The following CPNE4 variants were observed in gnomAD, a reference collection of about 807,000 sequenced individuals.
CPNE4 encodes copine-4.
Under a neutral mutation model 67.9 loss-of-function variants are expected in CPNE4, and 25 were observed. That is an observed-to-expected ratio of 0.37 (90% CI 0.27 to 0.51). The LOEUF (loss-of-function observed/expected upper bound fraction) is 0.51. Among genes scored for constraint, CPNE4 ranks in the 20% least tolerant of loss-of-function variants. The pLI is 0.93. For missense variants in CPNE4, 464 were observed against 690.8 expected, an observed-to-expected ratio of 0.67 and a Z score of 3.68; for synonymous variants, 242 against 244.9, an observed-to-expected ratio of 0.99 and a Z score of 0.11.
chr3:131,773,498 C>G (rs900841032), intron 2 of CPNE4, among the ~76,000 whole-genome samples: 1 of 151,988 alleles, frequency 6.6e-6, no homozygotes, highest in African/African-American at 2.4e-5. Flanking sequence ...CAGGTGTGTG[C>G]CACCATGCCC....
intron 3 of CPNE4, 22 bp from the exon 4 acceptor site, chr3:131,700,002 G>T (rs377416776): frequency 8.4e-6 from 13 of 1,542,260 alleles, no homozygotes; most frequent in African/African-American, 1.4e-5. Flanking sequence ...GAAACAAAAG[G>T]TAACAAAAGG....
chr3:132,025,881 T>C (rs1254513042), intron 1 of CPNE4, among the ~76,000 whole-genome samples: 1 of 152,220 alleles, frequency 6.6e-6, no homozygotes, highest in East Asian at 1.9e-4. Flanking sequence ...CAGAATAGTC[T>C]TGCAAATATA....
chr3:131,914,333 C>T (rs979868624), intron 1 of CPNE4, among the ~76,000 whole-genome samples: 1 of 152,148 alleles, frequency 6.6e-6, no homozygotes, highest in Non-Finnish European at 1.5e-5. Context: ...GGGATTTACA[C>T]CACAGAACAT....
chr3:131,620,380 G>A (rs1055219568), intron 7 of CPNE4: 67 of 807,256 alleles, frequency 8.3e-5, no homozygotes, highest in Non-Finnish European at 9.1e-5. Flanking sequence ...ACTAGGCTAC[G>A]GTAAATCCTT....
At chr3:132,008,757 T>C (rs2107674424) in intron 1 of CPNE4, among the ~76,000 whole-genome samples, 1 of 152,302 alleles carries the variant, frequency 6.6e-6, no homozygotes, top group African/African-American at 2.4e-5. Flanking sequence ...CTTATGTTTT[T>C]TTTTCTTAAA....
intron 2 of CPNE4, among the ~76,000 whole-genome samples, chr3:131,742,414 C>T (rs1357550960): frequency 6.6e-6 from 1 of 152,168 alleles, no homozygotes; most frequent in Admixed American, 6.5e-5. Flanking sequence ...GGGTCTCCAA[C>T]TGCCAACTGC....
At chr3:131,928,836 C>G (rs1035287646) in intron 1 of CPNE4, among the ~76,000 whole-genome samples, 1 of 152,114 alleles carries the variant, frequency 6.6e-6, no homozygotes, top group Admixed American at 6.5e-5. Flanking sequence ...ACACCTTTGT[C>G]GGGACATGAA....
At chr3:131,771,899 TTTTG>T (rs369103268) in intron 2 of CPNE4, among the ~76,000 whole-genome samples, 156 of 152,232 alleles carry the variant, frequency 1.0e-3, no homozygotes, top group African/African-American at 3.4e-3. Flanking sequence ...TTTTAATTTT[TTTTG>T]TTTGTTTGTT....
chr3:131,550,294 A>T (rs1293621796), intron 13 of CPNE4, among the ~76,000 whole-genome samples: 1 of 152,152 alleles, frequency 6.6e-6, no homozygotes, highest in Non-Finnish European at 1.5e-5. Context: ...AGTCAAAAGC[A>T]ACGATTTCCA....
intron 2 of CPNE4, among the ~76,000 whole-genome samples, chr3:131,830,695 CTTATTA>C (rs1399318723): frequency 1.3e-5 from 2 of 152,054 alleles, no homozygotes; most frequent in African/African-American, 2.4e-5. Context: ...CTTTTTACTA[CTTATTA>C]TTATATATTA....
chr3:131,627,118 G>A (rs7612012), intron 7 of CPNE4, among the ~76,000 whole-genome samples: 40,834 of 149,928 alleles, frequency 0.27, 9,216 homozygotes, highest in African/African-American at 0.63. Context: ...GCTTGAACCC[G>A]GGAGGCAGAG....
intron 1 of CPNE4, among the ~76,000 whole-genome samples, chr3:131,969,839 G>A (rs2072456728): frequency 6.6e-6 from 1 of 152,114 alleles, no homozygotes; most frequent in African/African-American, 2.4e-5. Flanking sequence ...CAGACCTAAG[G>A]ACCTCAGTTC....
At chr3:131,718,315 C>T (rs1386273569) in intron 3 of CPNE4, among the ~76,000 whole-genome samples, 1 of 152,158 alleles carries the variant, frequency 6.6e-6, no homozygotes, top group East Asian at 1.9e-4. Context: ...CACATCCAAT[C>T]TTGTCCTTTC....
chr3:131,540,258 C>G (rs1935404010), intron 15 of CPNE4, among the ~76,000 whole-genome samples: 1 of 152,132 alleles, frequency 6.6e-6, no homozygotes, highest in African/African-American at 2.4e-5. Context: ...CTGCAGCCCT[C>G]CTTAAAAGTA....
chr3:131,781,650 G>T (rs759616097), intron 2 of CPNE4, among the ~76,000 whole-genome samples: 1 of 152,084 alleles, frequency 6.6e-6, no homozygotes, highest in Non-Finnish European at 1.5e-5. Flanking sequence ...CCACAAAAGT[G>T]TAAACTCATT....
chr3:131,590,634 C>T (rs546350858), intron 7 of CPNE4, among the ~76,000 whole-genome samples: 53 of 152,080 alleles, frequency 3.5e-4, no homozygotes, highest in African/African-American at 1.3e-3. Flanking sequence ...GAAGTATTTT[C>T]CAATAAACCT....
chr3:131,703,301 T>C (rs1322124621), intron 3 of CPNE4, among the ~76,000 whole-genome samples: 1 of 152,190 alleles, frequency 6.6e-6, no homozygotes, highest in Non-Finnish European at 1.5e-5. Context: ...AAGGGATCCA[T>C]TTGTCAGAAG....
intron 2 of CPNE4, among the ~76,000 whole-genome samples, chr3:131,751,764 G>GTT (rs61336816): frequency 0.16 from 23,375 of 144,942 alleles, 2,093 homozygotes; most frequent in East Asian, 0.24. Context: ...CTGTTTAGCT[G>GTT]TTTTTTTTTT....
intron 4 of CPNE4, among the ~76,000 whole-genome samples, chr3:131,698,520 T>C (rs1403276194): frequency 6.6e-6 from 1 of 151,612 alleles, no homozygotes; most frequent in African/African-American, 2.4e-5. Context: ...ACAGTGTCAT[T>C]TAAAATATTC....
Sources: gnomAD v4.1 joint callset for allele counts (sites outside exome capture counted in the v4.1 genomes callset) on GRCh38, gnomAD v4.1.1 for gene constraint, MANE v1.5 for transcripts, NCBI Gene and HGNC (gene_info 2026-07-23, HGNC 2026-07-21) for gene names.